The following RBMS3 variants were observed in gnomAD, a reference collection of about 807,000 sequenced individuals.
RBMS3 encodes the protein RNA binding motif single stranded interacting protein 3, also known as RNA-binding motif, single-stranded-interacting protein 3.
RBMS3 carries 27 observed loss-of-function variants against 66.8 expected under a neutral mutation model. That is an observed-to-expected ratio of 0.40 (90% CI 0.30 to 0.56). RBMS3 has a LOEUF of 0.56. RBMS3 is among the 20% of genes least tolerant of loss of function. The pLI is 0.40. For synonymous variants in RBMS3, 188 were observed against 183.0 expected, an observed-to-expected ratio of 1.03 and a Z score of -0.22; for missense variants, 513 against 549.5, an observed-to-expected ratio of 0.93 and a Z score of 0.66.
At chr3:29,927,062 TGTC>T (rs1427619281) in intron 10 of RBMS3, 1 of 152,228 alleles carries the variant, frequency 6.6e-6, no homozygotes, top group Non-Finnish European at 1.5e-5. Flanking sequence ...ATGGAAATCA[TGTC>T]GTGAACTCCA....
chr3:29,905,339 C>G (rs2060350962), intron 10 of RBMS3, among the ~76,000 whole-genome samples: 1 of 152,004 alleles, frequency 6.6e-6, no homozygotes, highest in Admixed American at 6.6e-5. Context: ...CATATGTTTT[C>G]TTACTATGCT....
chr3:29,584,616 A>G (rs1168225169), intron 3 of RBMS3, among the ~76,000 whole-genome samples: 1 of 152,148 alleles, frequency 6.6e-6, no homozygotes, highest in East Asian at 1.9e-4. Context: ...TCAATAAATT[A>G]CATATCCACT....
At chr3:29,446,479 G>T (rs1452537923) in intron 2 of RBMS3, among the ~76,000 whole-genome samples, 2 of 151,786 alleles carry the variant, frequency 1.3e-5, no homozygotes, top group Non-Finnish European at 2.9e-5. Context: ...TTGTAGTATT[G>T]TGTATCATCA....
At chr3:29,801,114 G>A (rs2149443103) in intron 6 of RBMS3, among the ~76,000 whole-genome samples, 1 of 152,020 alleles carries the variant, frequency 6.6e-6, no homozygotes, top group African/African-American at 2.4e-5. Flanking sequence ...CTAGTATGAA[G>A]AAGTTTTACA....
In RBMS3 at chr3:29,493,492, A is replaced by C. The variant is rs576095092; in HGVS notation, c.307+4993A>C. On this transcript the variant is annotated intron_variant, in intron 3 of 14. Transcript: ENST00000383767. Reference sequence around the variant, plus strand: ...AAAGTTAATACATGGAAAATGTTTGACGATATCTCCTGTTACTTTTGTATA... The same window carrying C: ...AAAGTTAATACATGGAAAATGTTTGCCGATATCTCCTGTTACTTTTGTATA... 1.4e-3 allele frequency among the ~76,000 whole-genome samples: 220 copies of C among 152,300 alleles called. 1 individual carries two copies. The highest frequency in any genetic ancestry group is 5.1e-3 in the African/African-American group (210 of 41,566).
At chr3:29,859,247 G>A (rs886928046) in intron 6 of RBMS3, among the ~76,000 whole-genome samples, 2 of 152,148 alleles carry the variant, frequency 1.3e-5, no homozygotes, top group African/African-American at 4.8e-5. Flanking sequence ...TCTTTTAGGA[G>A]AACTAACTGG....
chr3:29,763,471 A>G (rs1179095115), intron 6 of RBMS3, among the ~76,000 whole-genome samples: 4 of 152,096 alleles, frequency 2.6e-5, no homozygotes, highest in South Asian at 2.1e-4. Flanking sequence ...ATCTCAGTGC[A>G]TAATTTTCTT....
At chr3:29,752,413 A>G (rs1013297302) in intron 5 of RBMS3, among the ~76,000 whole-genome samples, 1 of 152,264 alleles carries the variant, frequency 6.6e-6, no homozygotes, top group Middle Eastern at 3.4e-3. Flanking sequence ...TGAAGTTTTC[A>G]TTTAGGGCAT....
intron 12 of RBMS3, among the ~76,000 whole-genome samples, chr3:29,960,725 C>T (rs147895239): frequency 9.9e-5 from 15 of 152,250 alleles, no homozygotes; most frequent in African/African-American, 3.1e-4. Context: ...CTCAACACCA[C>T]GTGGAAGCTG....
intron 6 of RBMS3, among the ~76,000 whole-genome samples, chr3:29,822,172 C>T (rs2058091767): frequency 6.6e-6 from 1 of 152,176 alleles, no homozygotes; most frequent in Non-Finnish European, 1.5e-5. Context: ...CAACACACTT[C>T]ATCCTTCAGA....
chr3:29,353,839 T>C (rs534937549), intron 1 of RBMS3, among the ~76,000 whole-genome samples: 2 of 152,252 alleles, frequency 1.3e-5, no homozygotes, highest in African/African-American at 2.4e-5. Flanking sequence ...ATATGCAGTT[T>C]CTTATTAGCA....
At chr3:29,314,829 A>G (rs1457611515) in intron 1 of RBMS3, among the ~76,000 whole-genome samples, 3 of 151,742 alleles carry the variant, frequency 2.0e-5, no homozygotes, top group Admixed American at 2.0e-4. Context: ...GCTTTTCTGA[A>G]TTAGAGTTGC....
At chr3:29,813,963 A>C (rs1382504871) in intron 6 of RBMS3, among the ~76,000 whole-genome samples, 4 of 151,890 alleles carry the variant, frequency 2.6e-5, no homozygotes, top group Non-Finnish European at 5.9e-5. Flanking sequence ...CTAATTGAAT[A>C]CCCTTTATTT....
chr3:29,843,508 T>C (rs2058710471), intron 6 of RBMS3, among the ~76,000 whole-genome samples: 2 of 152,198 alleles, frequency 1.3e-5, no homozygotes, highest in South Asian at 4.1e-4. Flanking sequence ...CTGAGGTGTA[T>C]TTCTTTGTTT....
chr3:29,532,237 CATATATATGTATATAT>C lies in RBMS3; in HGVS notation c.307+43763_307+43778del, dbSNP rs1211306657. 1.4e-3 allele frequency among the ~76,000 whole-genome samples: 127 copies of C among 92,114 alleles called. 1 individual carries two copies. Among genetic ancestry groups the C allele is most frequent in the Non-Finnish European group, 2.1e-3 (107 of 50,678 alleles). 60.4% of individuals were successfully genotyped at this position (92,114 alleles called of 152,430 possible). On this transcript the variant is annotated intron_variant, in intron 3 of 14. Coordinates refer to ENST00000383767, the MANE Select transcript of RBMS3 (RefSeq NM_001003793.3). ...ATCTTTCAGTCTTATTTTAATTTCG[CATATATATGTATATAT>C]ATATATATGTATATATATATATATA...
chr3:29,534,223 A>G lies in RBMS3; in HGVS notation c.307+45724A>G, dbSNP rs566539112. 5.3e-4 allele frequency among the ~76,000 whole-genome samples: 81 copies of G among 152,356 alleles called. 2 individuals carry two copies. The South Asian group carries it at 0.013, about 25-fold the overall frequency. ...GGGACAAAGGTCACGTTGCAGCAAC[A>G]TCCTGAGCTAAGCCTTTACTACCAA... On this transcript the variant is annotated intron_variant, in intron 3 of 14. Transcript: ENST00000383767.
At chr3:29,453,413 C>T (rs2042076608) in intron 2 of RBMS3, among the ~76,000 whole-genome samples, 1 of 152,184 alleles carries the variant, frequency 6.6e-6, no homozygotes, top group South Asian at 2.1e-4. Flanking sequence ...AGCCTAATGG[C>T]TACATGCCAA....
At chr3:29,753,352 C>T (rs2055266274) in intron 5 of RBMS3, among the ~76,000 whole-genome samples, 1 of 152,210 alleles carries the variant, frequency 6.6e-6, no homozygotes, top group Non-Finnish European at 1.5e-5. Flanking sequence ...ATGCACCTCA[C>T]TGCATACATT....
chr3:29,398,698 T>G (rs898206627), intron 1 of RBMS3, among the ~76,000 whole-genome samples: 1 of 152,140 alleles, frequency 6.6e-6, no homozygotes, highest in Non-Finnish European at 1.5e-5. Context: ...TGCAGTGAAA[T>G]AGTGTTCTTA....
Sources: allele counts gnomAD v4.1 joint callset (sites outside exome capture counted in the v4.1 genomes callset), GRCh38; gene constraint gnomAD v4.1.1; transcripts MANE v1.5; gene names NCBI Gene and HGNC (gene_info 2026-07-23, HGNC 2026-07-21).